Variants in KIAA0586 observed in about 807,000 individuals in gnomAD.
The protein encoded by KIAA0586 is protein TALPID3.
A neutral mutation model predicts 169.8 loss-of-function variants in KIAA0586; 144 were observed. The observed-to-expected ratio is 0.85, with a 90% CI of 0.74 to 0.97. KIAA0586 has a LOEUF of 0.97. KIAA0586 is among the 50% of genes least tolerant of loss of function. The pLI, the probability that KIAA0586 is intolerant of heterozygous loss-of-function variation, is 0.00. For missense variants in KIAA0586, 1,854 were observed against 1,823.0 expected, an observed-to-expected ratio of 1.02 and a Z score of -0.31; for synonymous variants, 625 against 612.4, an observed-to-expected ratio of 1.02 and a Z score of -0.30.
chr14:58,517,058 G>A (rs1480186495), intron 29 of KIAA0586, among the ~76,000 whole-genome samples: 2 of 152,138 alleles, frequency 1.3e-5, no homozygotes, highest in Non-Finnish European at 2.9e-5. Context: ...AAATATAGGA[G>A]AAAATGTTTC....
intron 27 of KIAA0586, among the ~76,000 whole-genome samples, chr14:58,506,045 TAG>T (rs968283937): frequency 3.3e-5 from 5 of 152,146 alleles, no homozygotes. Flanking sequence ...TTAGTTCTAA[TAG>T]AGTTCTTTTG....
intron 21 of KIAA0586, among the ~76,000 whole-genome samples, chr14:58,485,228 A>C (rs1213345175): frequency 6.6e-6 from 1 of 151,652 alleles, no homozygotes; most frequent in South Asian, 2.1e-4. Context: ...GGCCCAAATA[A>C]TATATTTTTA....
intron 16 of KIAA0586, among the ~76,000 whole-genome samples, chr14:58,468,726 G>A (rs527739312): frequency 1.6e-4 from 25 of 152,266 alleles, no homozygotes; most frequent in Non-Finnish European, 2.6e-4. Flanking sequence ...ACTTTCTATT[G>A]ACCAGTCAGG....
chr14:58,484,913 TATATATATA>T (rs2042318359), intron 21 of KIAA0586, among the ~76,000 whole-genome samples: 2 of 17,332 alleles, frequency 1.2e-4, no homozygotes, highest in African/African-American at 3.6e-4. Flanking sequence ...TATATATATA[TATATATATA>T]TATTTTTTTT....
At chr14:58,494,253 A>T (rs1036960725) in intron 26 of KIAA0586, among the ~76,000 whole-genome samples, 7 of 150,584 alleles carry the variant, frequency 4.6e-5, no homozygotes, top group Non-Finnish European at 1.0e-4. Context: ...TGATCTGCTA[A>T]CTATTAATTT....
intron 29 of KIAA0586, among the ~76,000 whole-genome samples, chr14:58,538,888 T>C (rs2046467170): frequency 6.6e-6 from 1 of 152,090 alleles, no homozygotes; most frequent in South Asian, 2.1e-4. Flanking sequence ...CAAGCCATCC[T>C]CCCACCTGAG....
chr14:58,432,924 C>CAGGCT (rs749474026), intron 4 of KIAA0586, among the ~76,000 whole-genome samples: 2 of 151,934 alleles, frequency 1.3e-5, no homozygotes, highest in Non-Finnish European at 1.5e-5. Flanking sequence ...CTATGTTGGC[C>CAGGCT]AGGCTGGTCT....
rs747961714 is a variant in KIAA0586 at position 58,481,258 on chromosome 14, G to T, written c.2945-1255G>T. 7.2e-5 allele frequency among the ~76,000 whole-genome samples: 11 copies of T among 152,240 alleles called. No individual in the cohort carries two copies. The East Asian group carries it at 1.9e-3, about 27-fold the overall frequency. On this transcript the variant is annotated intron_variant, in intron 20 of 30. Transcript: ENST00000652326. Reference sequence around the variant, plus strand: ...TTTGGTGAGGTCACATCTCCATCAGGTTGTACAAATGAGTATCCACTTATT... The same window carrying T: ...TTTGGTGAGGTCACATCTCCATCAGTTTGTACAAATGAGTATCCACTTATT...
intron 29 of KIAA0586, among the ~76,000 whole-genome samples, chr14:58,534,989 C>T (rs1197336639): frequency 6.6e-6 from 1 of 152,140 alleles, no homozygotes; most frequent in African/African-American, 2.4e-5. Flanking sequence ...CTGCCAGACC[C>T]CCAAAGGCCC....
the KIAA0586 span, among the ~76,000 whole-genome samples, chr14:58,559,244 A>G: frequency 2.0e-5 from 3 of 152,266 alleles, no homozygotes; most frequent in East Asian, 3.9e-4. Flanking sequence ...GATATTGGGG[A>G]TCCCCCCATC....
At chr14:58,463,325 C>T (rs2040485195) in intron 14 of KIAA0586, among the ~76,000 whole-genome samples, 1 of 152,176 alleles carries the variant, frequency 6.6e-6, no homozygotes, top group Non-Finnish European at 1.5e-5. Flanking sequence ...CACTACTGGA[C>T]TGTAAGCTCC....
At chr14:58,527,910 G>A (rs1403819038) in intron 29 of KIAA0586, among the ~76,000 whole-genome samples, 1 of 152,112 alleles carries the variant, frequency 6.6e-6, no homozygotes, top group Admixed American at 6.6e-5. Flanking sequence ...AAATAGACTA[G>A]CAAATAGGAT....
intron 25 of KIAA0586, among the ~76,000 whole-genome samples, chr14:58,490,590 G>GT (rs1227240866): frequency 6.6e-6 from 1 of 151,952 alleles, no homozygotes; most frequent in Non-Finnish European, 1.5e-5. Context: ...TAATACATTT[G>GT]TTATTTTTCC....
chr14:58,512,606 A>G lies in KIAA0586; in HGVS notation c.4408A>G (p.Ile1470Val). 1.3e-6 allele frequency: 2 copies of G among 1,518,282 alleles called. No homozygotes were observed. Among genetic ancestry groups the G allele is most frequent in the South Asian group, 2.6e-5 (2 of 77,154 alleles). 94.1% of individuals were successfully genotyped at this position (1,518,282 alleles called of 1,614,324 possible). A position where few individuals can be genotyped will look rare whatever the true frequency, so the allele number is the denominator to read the frequency against. The change falls in exon 29 of 31, where the codon ATT becomes GTT. Residue 1470 changes from isoleucine (I) to valine (V), a missense_variant. Ile to Val is a conservative substitution (Grantham distance 29). Coordinates refer to ENST00000652326, the MANE Select transcript of KIAA0586 (RefSeq NM_001329943.3). ...SYLRVRNKSD[I>V]APSQQQVSPG... ...CCTACGTGTTAGAAATAAATCTGAT[A>G]TTGCACCTTCACAGCAACAAGGTAA...
At position 58,474,809 on chromosome 14, in the gene KIAA0586, A is replaced by C; in HGVS notation, c.2825+12A>C. On this transcript the variant is annotated intron_variant, in intron 19 of 30. Transcript: ENST00000652326. ...AGCTTAATTCAATGGTAAGTTTATA[A>C]TGTTTTTGGTATGAATAGAACCATA... is the stretch of plus-strand genomic sequence containing the variant. 1 of 1,562,390 alleles carries C rather than the reference A, an allele frequency of 6.4e-7. No homozygotes were observed. The highest frequency in any genetic ancestry group is 1.4e-5 in the African/African-American group (1 of 73,034).
chr14:58,531,162 CA>C (rs749963379), intron 29 of KIAA0586, among the ~76,000 whole-genome samples: 5,912 of 104,042 alleles, frequency 0.057, 136 homozygotes, highest in Non-Finnish European at 0.074. Context: ...CTAAAATGTA[CA>C]AAAAAAAAAA....
intron 9 of KIAA0586, 73 bp from the exon 10 acceptor site, chr14:58,456,629 T>G (rs1322056442): frequency 2.6e-6 from 2 of 764,616 alleles, no homozygotes; most frequent in Non-Finnish European, 4.5e-6. Flanking sequence ...AATGAAATGT[T>G]TACTGAATTT....
At chr14:58,454,240 T>C (rs1455239336) in intron 9 of KIAA0586, among the ~76,000 whole-genome samples, 1 of 152,218 alleles carries the variant, frequency 6.6e-6, no homozygotes, top group Non-Finnish European at 1.5e-5. Flanking sequence ...AACATATTAA[T>C]TTAAAGCAAT....
chr14:58,444,229 T>G, intron 6 of KIAA0586, 54 bp downstream of exon 6: 1 of 1,128,562 alleles, frequency 8.9e-7, no homozygotes, highest in Non-Finnish European at 1.3e-6. Context: ...CTTGGATCTC[T>G]CAGCCAGTAT....
Sources: allele counts gnomAD v4.1 joint callset (sites outside exome capture counted in the v4.1 genomes callset), GRCh38; gene constraint gnomAD v4.1.1; transcripts MANE v1.5; gene names NCBI Gene and HGNC (gene_info 2026-07-23, HGNC 2026-07-21).